LPP: variants seen among roughly 807,000 people sequenced by gnomAD.
LPP encodes LIM domain containing preferred translocation partner in lipoma, also known as lipoma-preferred partner.
In LPP, 38 loss-of-function variants were observed where a neutral mutation model predicts 60.4. The observed-to-expected ratio is 0.63, with a 90% confidence interval of 0.49 to 0.83. The LOEUF (loss-of-function observed/expected upper bound fraction) is 0.83. LPP is among the 40% of genes least tolerant of loss of function. The pLI, the probability that LPP is intolerant of heterozygous loss-of-function variation, is 0.00. For missense variants in LPP, 902 were observed against 783.6 expected, an observed-to-expected ratio of 1.15 and a Z score of -1.80; for synonymous variants, 328 against 290.8, an observed-to-expected ratio of 1.13 and a Z score of -1.30.
intron 7 of LPP, among the ~76,000 whole-genome samples, chr3:188,693,813 A>G (rs920750311): frequency 6.6e-6 from 1 of 152,156 alleles, no homozygotes; most frequent in Admixed American, 6.5e-5. Flanking sequence ...TTTTGCCAAG[A>G]ATGAGCATAC....
chr3:188,296,681 T>A (rs1748006169), intron 2 of LPP, among the ~76,000 whole-genome samples: 1 of 152,236 alleles, frequency 6.6e-6, no homozygotes, highest in South Asian at 2.1e-4. Flanking sequence ...CATTAGCTCA[T>A]TGGGCTTGCT....
intron 9 of LPP, among the ~76,000 whole-genome samples, chr3:188,781,004 G>A (rs772785719): frequency 3.3e-5 from 5 of 152,182 alleles, no homozygotes; most frequent in African/African-American, 4.8e-5. Context: ...AGGCACTACC[G>A]GATTCAGACT....
intron 6 of LPP, among the ~76,000 whole-genome samples, chr3:188,559,445 A>C (rs1830191972): frequency 6.6e-6 from 1 of 152,252 alleles, no homozygotes; most frequent in Middle Eastern, 3.4e-3. Context: ...ATGATAAGGC[A>C]GTAATACAAT....
intron 9 of LPP, among the ~76,000 whole-genome samples, chr3:188,827,454 A>G (rs114369501): frequency 8.6e-4 from 131 of 152,338 alleles, no homozygotes; most frequent in African/African-American, 3.0e-3. Context: ...TTTCCATCAT[A>G]TGGTGATTCT....
chr3:188,418,262 C>T (rs987606873), intron 4 of LPP, among the ~76,000 whole-genome samples: 16 of 152,238 alleles, frequency 1.1e-4, no homozygotes, highest in African/African-American at 3.9e-4. Context: ...GTACGATAAA[C>T]ACTATTTGGT....
chr3:188,754,032 A>G (rs535346300), intron 8 of LPP, among the ~76,000 whole-genome samples: 2 of 152,344 alleles, frequency 1.3e-5, no homozygotes, highest in South Asian at 2.1e-4. Context: ...TTATGTAAAG[A>G]CAGAGTCCCA....
intron 7 of LPP, among the ~76,000 whole-genome samples, chr3:188,654,059 A>T (rs898117106): frequency 1.3e-5 from 2 of 152,180 alleles, no homozygotes; most frequent in African/African-American, 4.8e-5. Context: ...CATGACCCTT[A>T]TTTCATACTT....
chr3:188,639,290 T>G (rs1263131663), intron 7 of LPP, among the ~76,000 whole-genome samples: 2 of 149,648 alleles, frequency 1.3e-5, no homozygotes, highest in African/African-American at 4.9e-5. Context: ...TAATAAATGG[T>G]GCTGGGAAAA....
intron 2 of LPP, among the ~76,000 whole-genome samples, chr3:188,303,400 G>A (rs1000082877): frequency 3.3e-5 from 5 of 152,166 alleles, no homozygotes; most frequent in African/African-American, 1.2e-4. Context: ...GTAGTACCTG[G>A]CATGGGATAG....
intron 4 of LPP, among the ~76,000 whole-genome samples, chr3:188,464,517 G>T (rs1799892823): frequency 6.6e-6 from 1 of 152,116 alleles, no homozygotes; most frequent in Admixed American, 6.6e-5. Context: ...AGATTTAGGG[G>T]AAGAGGAGAA....
intron 6 of LPP, chr3:188,554,213 T>C (rs542085618): frequency 6.6e-6 from 1 of 152,274 alleles, no homozygotes; most frequent in Admixed American, 6.5e-5. Context: ...TCTTCTGTGT[T>C]GTAGTTGATA....
intron 2 of LPP, among the ~76,000 whole-genome samples, chr3:188,250,798 T>TTC (rs1361643977): frequency 4.4e-5 from 6 of 137,820 alleles, no homozygotes; most frequent in Admixed American, 2.2e-4. Flanking sequence ...GTCTTTCTCT[T>TTC]TCTTTCTTTC....
chr3:188,720,070 G>A (rs188126089), intron 8 of LPP, among the ~76,000 whole-genome samples: 7 of 152,170 alleles, frequency 4.6e-5, no homozygotes, highest in Admixed American at 3.3e-4. Context: ...GTGCCACCAC[G>A]CCCAGCTAAT....
At chr3:188,753,483 CCTTCA>C (rs1201116147) in intron 8 of LPP, among the ~76,000 whole-genome samples, 1 of 150,964 alleles carries the variant, frequency 6.6e-6, no homozygotes, top group Non-Finnish European at 1.5e-5. Context: ...GATCACTCAG[CCTTCA>C]CTTCATCTCA....
chr3:188,483,775 A>G (rs1047640273), intron 4 of LPP, among the ~76,000 whole-genome samples: 2 of 152,100 alleles, frequency 1.3e-5, no homozygotes, highest in Non-Finnish European at 2.9e-5. Context: ...AGATTTCTAA[A>G]TTGGGTGTTT....
chr3:188,654,170 C>A (rs1007961653), intron 7 of LPP, among the ~76,000 whole-genome samples: 2 of 152,118 alleles, frequency 1.3e-5, no homozygotes, highest in African/African-American at 4.8e-5. Flanking sequence ...AAAGGGAAAT[C>A]CAATTGATTT....
At chr3:188,547,613 C>T (rs777611408) in intron 6 of LPP, among the ~76,000 whole-genome samples, 2 of 152,144 alleles carry the variant, frequency 1.3e-5, no homozygotes, top group South Asian at 2.1e-4. Flanking sequence ...TTGGCATTTG[C>T]GATTTAATTG....
At chr3:188,497,447 T>C (rs1340563268) in intron 5 of LPP, among the ~76,000 whole-genome samples, 1 of 152,194 alleles carries the variant, frequency 6.6e-6, no homozygotes, top group Admixed American at 6.5e-5. Flanking sequence ...TTAGAAATTA[T>C]GTCATCCCCA....
intron 5 of LPP, among the ~76,000 whole-genome samples, chr3:188,504,904 A>G (rs1291863964): frequency 6.6e-6 from 1 of 152,222 alleles, no homozygotes; most frequent in Non-Finnish European, 1.5e-5. Flanking sequence ...TGTGTGATTA[A>G]AAGCAGCAAT....
Sources: allele counts gnomAD v4.1 joint callset (sites outside exome capture counted in the v4.1 genomes callset), GRCh38; gene constraint gnomAD v4.1.1; transcripts MANE v1.5; gene names NCBI Gene and HGNC (gene_info 2026-07-23, HGNC 2026-07-21).